Variants in UBAP2 observed in about 807,000 individuals in gnomAD.
UBAP2 encodes ubiquitin associated protein 2, also known as ubiquitin-associated protein 2.
UBAP2 carries 75 observed loss-of-function variants against 139.6 expected under a neutral mutation model. The observed-to-expected ratio is 0.54, with a 90% CI of 0.45 to 0.65. UBAP2 has a LOEUF of 0.65. Among genes scored for constraint, UBAP2 ranks in the 30% least tolerant of loss-of-function variants. UBAP2 has a pLI of 0.00. For missense variants in UBAP2, 1,368 were observed against 1,369.6 expected (o/e 1.00, Z 0.02); for synonymous variants, 526 against 526.2 (o/e 1.00, Z 0.01).
At chr9:33,976,237 T>C (rs1828336234) in intron 6 of UBAP2, among the ~76,000 whole-genome samples, 1 of 151,994 alleles carries the variant, frequency 6.6e-6, no homozygotes, top group South Asian at 2.1e-4. Context: ...AAGGAAACTA[T>C]TCTCAGGACT....
At chr9:34,022,120 C>T (rs1475279119) in intron 1 of UBAP2, among the ~76,000 whole-genome samples, 1 of 152,064 alleles carries the variant, frequency 6.6e-6, no homozygotes. Context: ...TGGCGCACCT[C>T]TGTAATCCCA....
chr9:33,998,371 C>T (rs1490536762), intron 3 of UBAP2: 1 of 159,470 alleles, frequency 6.3e-6, no homozygotes, highest in African/African-American at 2.4e-5. Context: ...GCACTCCAGC[C>T]TGGGCAACAG....
chr9:33,964,906 C>T (rs1297494715), intron 8 of UBAP2, among the ~76,000 whole-genome samples: 1 of 152,056 alleles, frequency 6.6e-6, no homozygotes, highest in African/African-American at 2.4e-5. Flanking sequence ...TTCCACAATC[C>T]TCACCAGCAC....
intron 6 of UBAP2, among the ~76,000 whole-genome samples, chr9:33,985,171 G>A (rs185120384): frequency 6.6e-4 from 100 of 152,264 alleles, no homozygotes; most frequent in Admixed American, 3.5e-3. Context: ...TGTGGTGGCT[G>A]TGGCAATTTC....
In UBAP2 at chr9:33,939,828, G is replaced by A. The variant is rs187844680; in HGVS notation, c.1929+1821C>T. On this transcript the variant is annotated intron_variant, in intron 16 of 28. Transcript: ENST00000379238. ...GAGGAGGAAGGGGAGGAGGAAGGGG[G>A]GGAGGAGGGGGAGGGGGAGGAGGGG... Among the ~76,000 whole-genome samples, 6 of 3,950 alleles carry A rather than the reference G, an allele frequency of 1.5e-3. 1 individual carries two copies. Among genetic ancestry groups the A allele is most frequent in the East Asian group, 0.016 (1 of 64 alleles). The allele number at this position is 3,950 out of a possible 152,430, so 2.6% of individuals were successfully genotyped here.
chr9:33,948,559 T>C lies in UBAP2; in HGVS notation c.1085A>G (p.Glu362Gly), dbSNP rs1264904928. The change falls in exon 13 of 29, where the codon GAG (glutamate) becomes GGG (glycine). Residue 362 changes from glutamate (E) to glycine (G), a missense_variant. Transcript: ENST00000379238. ...LSSVLGSGFG[E>G]LAPPKMANIT... Reference sequence around the variant, plus strand: ...GTTTGCCATTTTTGGTGGTGCAAGCTCTCCAAATCCTGAGCCAAGGACGGA... The same window carrying C: ...GTTTGCCATTTTTGGTGGTGCAAGCCCTCCAAATCCTGAGCCAAGGACGGA... 22 of 1,614,038 alleles carry C rather than the reference T, an allele frequency of 1.4e-5. No homozygotes were observed. Among genetic ancestry groups the C allele is most frequent in the Non-Finnish European group, 1.9e-5 (22 of 1,179,996 alleles).
In UBAP2 at chr9:33,927,791, A is replaced by T. The variant is rs756745564; in HGVS notation, c.2371+6T>A. The T allele has an allele frequency of 1.2e-6, 2 of 1,604,372 alleles. No individual in the cohort carries two copies. Among genetic ancestry groups the T allele is most frequent in the South Asian group, 2.2e-5 (2 of 89,644 alleles). On this transcript the variant is annotated splice_donor_region_variant and intron_variant, in intron 20 of 28. Coordinates refer to ENST00000379238, the MANE Select transcript of UBAP2 (RefSeq NM_001370062.2). ...GGTGGGCAGGAAAGGCCTCTGGAGC[A>T]AATACCTGAGGTCACCAAGGGCGCG...
intron 1 of UBAP2, among the ~76,000 whole-genome samples, chr9:34,038,648 A>T (rs1266389360): frequency 6.6e-6 from 1 of 151,996 alleles, no homozygotes; most frequent in African/African-American, 2.4e-5. Context: ...TCCACCTCCC[A>T]CCCGCCTGCC....
At chr9:34,033,088 C>T (rs1437159294) in intron 1 of UBAP2, among the ~76,000 whole-genome samples, 2 of 152,094 alleles carry the variant, frequency 1.3e-5, no homozygotes, top group African/African-American at 2.4e-5. Context: ...AATTGAGCTA[C>T]CATATGATCC....
intron 19 of UBAP2, among the ~76,000 whole-genome samples, chr9:33,929,419 T>A (rs559125737): frequency 6.6e-5 from 10 of 152,048 alleles, no homozygotes; most frequent in Non-Finnish European, 1.5e-4. Context: ...AAGTCAACAC[T>A]AATTTTCAAG....
At chr9:34,012,632 T>G (rs1254228399) in intron 2 of UBAP2, among the ~76,000 whole-genome samples, 1 of 152,158 alleles carries the variant, frequency 6.6e-6, no homozygotes, top group Non-Finnish European at 1.5e-5. Context: ...AAAAGATCCT[T>G]GTTTTTTAAA....
At chr9:34,017,278 AT>A in intron 1 of UBAP2, 89 bp from the exon 2 acceptor site, 1 of 532,794 alleles carries the variant, frequency 1.9e-6, no homozygotes, top group Non-Finnish European at 3.1e-6. Context: ...ACAATAAAAG[AT>A]AAAAGCTCTC....
At chr9:33,965,180 A>G (rs72727367) in intron 8 of UBAP2, among the ~76,000 whole-genome samples, 12,033 of 152,220 alleles carry the variant, frequency 0.079, 679 homozygotes, top group Non-Finnish European at 0.12. Context: ...GACCCTCTCC[A>G]AGTGTACAAT....
intron 15 of UBAP2, among the ~76,000 whole-genome samples, chr9:33,943,052 A>G (rs1825371305): frequency 7.0e-6 from 1 of 143,452 alleles, no homozygotes. Flanking sequence ...TCCACCAACT[A>G]ATGAATGAAT....
chr9:33,954,724 AAAT>A (rs1826406518), intron 11 of UBAP2, among the ~76,000 whole-genome samples: 1 of 129,454 alleles, frequency 7.7e-6, no homozygotes, highest in Non-Finnish European at 1.9e-5. Context: ...ACTGAATCAT[AAAT>A]ACAATAGAGA....
chr9:34,043,235 A>C (rs1827253948), intron 1 of UBAP2, among the ~76,000 whole-genome samples: 1 of 152,162 alleles, frequency 6.6e-6, no homozygotes, highest in Non-Finnish European at 1.5e-5. Flanking sequence ...GCAGTGGCAC[A>C]ATCACAGCCC....
At chr9:34,011,608 A>C in intron 2 of UBAP2, 2 of 985,682 alleles carry the variant, frequency 2.0e-6, no homozygotes, top group Non-Finnish European at 2.4e-6. Context: ...CAAACATAAG[A>C]GTATAATAGG....
At chr9:33,980,245 TTTTTTG>T in intron 6 of UBAP2, among the ~76,000 whole-genome samples, 1 of 112,038 alleles carries the variant, frequency 8.9e-6, no homozygotes, top group African/African-American at 3.5e-5. Flanking sequence ...TTTTTTTTTT[TTTTTTG>T]AGACGGAGTC....
chr9:34,036,469 C>T (rs1437562669), intron 1 of UBAP2, among the ~76,000 whole-genome samples: 1 of 152,050 alleles, frequency 6.6e-6, no homozygotes, highest in Non-Finnish European at 1.5e-5. Context: ...TCAGCCTCCC[C>T]AGCTCAAGGA....
Sources: gnomAD v4.1 joint callset for allele counts (sites outside exome capture counted in the v4.1 genomes callset) on GRCh38, gnomAD v4.1.1 for gene constraint, MANE v1.5 for transcripts, NCBI Gene and HGNC (gene_info 2026-07-23, HGNC 2026-07-21) for gene names.